Variants in NRCAM observed in about 807,000 individuals in gnomAD.
NRCAM encodes the protein NgCAM-related cell adhesion molecule.
NRCAM carries 83 observed loss-of-function variants against 156.5 expected under a neutral mutation model. The observed-to-expected ratio is 0.53, with a 90% CI of 0.44 to 0.64. The LOEUF (loss-of-function observed/expected upper bound fraction) is 0.64, where lower values mean the gene tolerates loss of function less well. Among genes scored for constraint, NRCAM ranks in the 30% least tolerant of loss-of-function variants. NRCAM has a pLI of 0.00. For synonymous variants in NRCAM, 538 were observed against 563.9 expected (o/e 0.95, Z 0.65); for missense variants, 1,417 against 1,597.3 (o/e 0.89, Z 1.92).
intron 11 of NRCAM, among the ~76,000 whole-genome samples, chr7:108,217,956 C>T (rs1475095089): frequency 2.0e-5 from 3 of 152,042 alleles, no homozygotes; most frequent in African/African-American, 7.2e-5. Context: ...TTCCAGGCAC[C>T]ACTGGGGTAT....
chr7:108,302,443 C>G (rs569494184), intron 3 of NRCAM, among the ~76,000 whole-genome samples: 1 of 152,166 alleles, frequency 6.6e-6, no homozygotes, highest in Non-Finnish European at 1.5e-5. Flanking sequence ...TCAGGACAAA[C>G]TGGGATGACC....
chr7:108,406,658 T>C (rs886492960), intron 1 of NRCAM, among the ~76,000 whole-genome samples: 1 of 152,236 alleles, frequency 6.6e-6, no homozygotes, highest in African/African-American at 2.4e-5. Flanking sequence ...TCAGTCAAAA[T>C]GAAATGAAAT....
chr7:108,442,378 C>T (rs1455554646), intron 1 of NRCAM, among the ~76,000 whole-genome samples: 1 of 151,530 alleles, frequency 6.6e-6, no homozygotes, highest in Non-Finnish European at 1.5e-5. Context: ...GTAGAGGAGA[C>T]CAAAGAGGGA....
At chr7:108,371,268 G>A in intron 2 of NRCAM, among the ~76,000 whole-genome samples, 1 of 152,168 alleles carries the variant, frequency 6.6e-6, no homozygotes, top group East Asian at 1.9e-4. Flanking sequence ...TGAAGAAAGG[G>A]AAAAGTTGGG....
At chr7:108,227,657 C>T (rs1041988819) in intron 8 of NRCAM, among the ~76,000 whole-genome samples, 1 of 151,574 alleles carries the variant, frequency 6.6e-6, no homozygotes, top group Non-Finnish European at 1.5e-5. Flanking sequence ...CATCCTGAAG[C>T]TCCTGACTTA....
intron 3 of NRCAM, among the ~76,000 whole-genome samples, chr7:108,268,673 G>A (rs1425549915): frequency 6.7e-6 from 1 of 149,580 alleles, no homozygotes; most frequent in Admixed American, 6.7e-5. Context: ...GACATGCAAT[G>A]AGCAAGTCTT....
intron 2 of NRCAM, among the ~76,000 whole-genome samples, chr7:108,394,047 A>G (rs2099769944): frequency 6.6e-6 from 1 of 152,210 alleles, no homozygotes; most frequent in Non-Finnish European, 1.5e-5. Flanking sequence ...AGCCTCAGCC[A>G]ACCTTTCAGG....
chr7:108,305,388 T>C (rs2098700258), intron 3 of NRCAM, among the ~76,000 whole-genome samples: 1 of 152,238 alleles, frequency 6.6e-6, no homozygotes, highest in South Asian at 2.1e-4. Flanking sequence ...TGTCTAGTCA[T>C]ATTTGTCAAG....
chr7:108,388,978 G>A (rs1563573345), intron 2 of NRCAM, among the ~76,000 whole-genome samples: 1 of 152,180 alleles, frequency 6.6e-6, no homozygotes, highest in East Asian at 1.9e-4. Flanking sequence ...AGTATAGTTT[G>A]AAGTCAGGTA....
At chr7:108,326,985 T>C (rs988533632) in intron 2 of NRCAM, among the ~76,000 whole-genome samples, 16 of 152,322 alleles carry the variant, frequency 1.1e-4, no homozygotes, top group Admixed American at 7.2e-4. Context: ...TCTTTCTCCC[T>C]TCTCCCTCAC....
chr7:108,173,129 G>A (rs992359735), intron 28 of NRCAM, among the ~76,000 whole-genome samples: 1 of 151,830 alleles, frequency 6.6e-6, no homozygotes, highest in Non-Finnish European at 1.5e-5. Flanking sequence ...GGGATTACAG[G>A]CGCCCAACAA....
chr7:108,330,608 T>C (rs2099116789), intron 2 of NRCAM, among the ~76,000 whole-genome samples: 1 of 152,112 alleles, frequency 6.6e-6, no homozygotes, highest in Non-Finnish European at 1.5e-5. Context: ...TCACAATCTA[T>C]CAATGAATCT....
intron 3 of NRCAM, among the ~76,000 whole-genome samples, chr7:108,308,874 T>A (rs925017474): frequency 7.2e-5 from 11 of 152,120 alleles, no homozygotes; most frequent in Non-Finnish European, 1.6e-4. Flanking sequence ...AGATGCCTAA[T>A]CAATAAAGGC....
rs776141881 is a variant in NRCAM at position 108,223,679 on chromosome 7, A to G, written c.890+46T>C. 4 of 962,028 alleles carry G rather than the reference A, an allele frequency of 4.2e-6. No individual in the cohort carries two copies. The African/African-American group carries it at 4.8e-5, about 12-fold the overall frequency. The allele number at this position is 962,028 out of a possible 1,614,324, so 59.6% of individuals were successfully genotyped here. A position where few individuals can be genotyped will look rare whatever the true frequency, so the allele number is the denominator to read the frequency against. ...ATTAACCTCTCTCTACCAACCTACTATATTTTTATAAGAAATGTACTTCAG... is the reference window on the plus strand; with the variant it reads ...ATTAACCTCTCTCTACCAACCTACTGTATTTTTATAAGAAATGTACTTCAG... On this transcript the variant is annotated intron_variant, in intron 11 of 32. Transcript: ENST00000379028.
intron 29 of NRCAM, among the ~76,000 whole-genome samples, chr7:108,167,989 G>T (rs2151887363): frequency 6.6e-6 from 1 of 151,900 alleles, no homozygotes; most frequent in African/African-American, 2.4e-5. Flanking sequence ...TCTTACTCTT[G>T]TTTATGTGTT....
At chr7:108,434,466 T>C (rs543380340) in intron 1 of NRCAM, among the ~76,000 whole-genome samples, 14 of 151,706 alleles carry the variant, frequency 9.2e-5, no homozygotes, top group African/African-American at 3.4e-4. Flanking sequence ...TATACTGAGT[T>C]GACCAGGGCC....
chr7:108,255,805 T>A lies in NRCAM; in HGVS notation c.-106-15635A>T, dbSNP rs571867336. On this transcript the variant is annotated intron_variant, in intron 3 of 32. Coordinates refer to ENST00000379028, the MANE Select transcript of NRCAM (RefSeq NM_001037132.4). ...CACCCCGTCTGGGAGGTGAGGAGCG[T>A]CTCTGCCGGGCTGCCCCCTCTGAGA... 2.9e-5 allele frequency among the ~76,000 whole-genome samples: 4 copies of A among 139,888 alleles called. No individual in the cohort carries two copies. In the South Asian group the frequency reaches 1.0e-3, roughly 35 times the overall value. The allele number at this position is 139,888 out of a possible 152,430, so 91.8% of individuals were successfully genotyped here.
At chr7:108,168,457 C>T (rs1481314403) in intron 28 of NRCAM, 55 bp from the exon 29 acceptor site, 21 of 1,419,472 alleles carry the variant, frequency 1.5e-5, no homozygotes, top group East Asian at 7.7e-5. Flanking sequence ...ACCATACACA[C>T]GAATATAAAA....
At chr7:108,431,775 AT>A (rs1334848126) in intron 1 of NRCAM, among the ~76,000 whole-genome samples, 1 of 152,230 alleles carries the variant, frequency 6.6e-6, no homozygotes, top group Non-Finnish European at 1.5e-5. Flanking sequence ...ATAAAGCGAG[AT>A]GCTGTCTCAA....
Sources: allele counts gnomAD v4.1 joint callset (sites outside exome capture counted in the v4.1 genomes callset), GRCh38; gene constraint gnomAD v4.1.1; transcripts MANE v1.5; gene names NCBI Gene and HGNC (gene_info 2026-07-23, HGNC 2026-07-21).